Variants in PTPRT observed in about 807,000 individuals in gnomAD.
PTPRT encodes protein tyrosine phosphatase receptor type T, also known as receptor-type tyrosine-protein phosphatase T.
A neutral mutation model predicts 176.8 loss-of-function variants in PTPRT; 56 were observed. That is an observed-to-expected ratio of 0.32 (90% CI 0.26 to 0.40). The LOEUF (loss-of-function observed/expected upper bound fraction) is 0.40. Ranked by LOEUF, PTPRT falls within the 10% of genes least tolerant of loss-of-function variation. The pLI is 1.00. For synonymous variants in PTPRT, 783 were observed against 739.0 expected (o/e 1.06, Z -0.96); for missense variants, 1,540 against 1,908.2 (o/e 0.81, Z 3.60).
chr20:42,342,609 CCT>C (rs1159172328), intron 11 of PTPRT, among the ~76,000 whole-genome samples: 1 of 152,198 alleles, frequency 6.6e-6, no homozygotes, highest in Admixed American at 6.5e-5. Flanking sequence ...CTCAGGCTGC[CCT>C]GTGTCAATAA....
At chr20:42,974,622 T>C (rs1982838009) in intron 1 of PTPRT, among the ~76,000 whole-genome samples, 1 of 152,186 alleles carries the variant, frequency 6.6e-6, no homozygotes, top group Non-Finnish European at 1.5e-5. Context: ...AGATCATATC[T>C]GCTAAAAGCA....
At chr20:42,286,041 G>A (rs2057225520) in intron 12 of PTPRT, among the ~76,000 whole-genome samples, 6 of 151,990 alleles carry the variant, frequency 3.9e-5, no homozygotes, top group African/African-American at 1.2e-4. Context: ...GGAGGTAAAA[G>A]ACCTCTACAA....
chr20:42,902,147 C>A (rs1330218042), intron 1 of PTPRT, among the ~76,000 whole-genome samples: 1 of 152,186 alleles, frequency 6.6e-6, no homozygotes, highest in Non-Finnish European at 1.5e-5. Context: ...GCTACCACTA[C>A]AGGAACATCT....
chr20:42,739,039 G>A (rs1016989775), intron 6 of PTPRT, among the ~76,000 whole-genome samples: 7 of 152,140 alleles, frequency 4.6e-5, no homozygotes, highest in Non-Finnish European at 8.8e-5. Flanking sequence ...CAGCCTAGGC[G>A]ACAGAGTGAG....
At position 42,494,313 on chromosome 20, in the gene PTPRT, C is replaced by T. The variant is rs527878387; in HGVS notation, c.1154-21751G>A. On this transcript the variant is annotated intron_variant, in intron 7 of 30. Coordinates refer to ENST00000373187, the MANE Select transcript of PTPRT (RefSeq NM_007050.6). ...GAAAATTAGGGAAACAACGTTTTCT[C>T]ATTGCAAATGTTATAAGAATGCATG... Among the ~76,000 whole-genome samples, 37 of 152,160 alleles carry T rather than the reference C, an allele frequency of 2.4e-4. 1 individual carries two copies. The highest frequency in any genetic ancestry group is 3.4e-3 in the Middle Eastern group (1 of 294).
At chr20:43,145,548 A>G (rs2014144826) in intron 1 of PTPRT, among the ~76,000 whole-genome samples, 3 of 152,350 alleles carry the variant, frequency 2.0e-5, no homozygotes, top group African/African-American at 7.2e-5. Context: ...TCTCCAATTT[A>G]AATACTTGCT....
chr20:42,702,614 G>A (rs765036165), intron 6 of PTPRT, among the ~76,000 whole-genome samples: 30 of 152,148 alleles, frequency 2.0e-4, no homozygotes, highest in Middle Eastern at 3.2e-3. Context: ...AGCACCCCTG[G>A]GAGGGCTGCC....
chr20:42,434,806 T>TAAA (rs11397166), intron 9 of PTPRT, among the ~76,000 whole-genome samples: 6 of 149,074 alleles, frequency 4.0e-5, no homozygotes, highest in Non-Finnish European at 7.4e-5. Context: ...TATTAAAAAT[T>TAAA]AAAAAAAAAA....
At chr20:42,458,220 T>C (rs1319137472) in intron 8 of PTPRT, among the ~76,000 whole-genome samples, 1 of 152,202 alleles carries the variant, frequency 6.6e-6, no homozygotes, top group East Asian at 1.9e-4. Flanking sequence ...TGTTTTTCTC[T>C]ATATTTCTTT....
chr20:42,756,588 G>C lies in PTPRT; in HGVS notation c.733C>G (p.His245Asp). 6.2e-7 allele frequency: 1 copy of C among 1,611,516 alleles called. No individual in the cohort carries two copies. The highest frequency in any genetic ancestry group is 8.5e-7 in the Non-Finnish European group (1 of 1,178,310). Residue 245 changes from histidine to aspartate, a missense_variant, in exon 6 of 31, where the codon CAC becomes GAC. Around this residue, in one of 11 missense-constraint regions of PTPRT, gnomAD observed 273 missense variants for 432.1 expected, o/e 0.63. Transcript: ENST00000373187. ...CTGACTGTGGCTGAGAAGCGCCTGTGGTTGACCACACGGGTGACCATCAGG... is the reference window on the plus strand; with the variant it reads ...CTGACTGTGGCTGAGAAGCGCCTGTCGTTGACCACACGGGTGACCATCAGG... ...TALMVTRVVN[H>D]RRFSATVSVA...
intron 2 of PTPRT, among the ~76,000 whole-genome samples, chr20:42,857,263 CTTT>C (rs2078580570): frequency 6.6e-6 from 1 of 152,170 alleles, no homozygotes; most frequent in South Asian, 2.1e-4. Context: ...TTCACACATT[CTTT>C]CTTTCCATCC....
At chr20:42,156,033 G>T (rs112695418) in intron 17 of PTPRT, among the ~76,000 whole-genome samples, 2 of 152,078 alleles carry the variant, frequency 1.3e-5, no homozygotes, top group Admixed American at 6.6e-5. Context: ...CTCCCAAACC[G>T]TTTCTGGTTC....
chr20:43,062,407 A>G (rs1987504980), intron 1 of PTPRT, among the ~76,000 whole-genome samples: 2 of 152,210 alleles, frequency 1.3e-5, no homozygotes, highest in South Asian at 4.1e-4. Flanking sequence ...TACATGCCAA[A>G]CACCTGGGGG....
Position 42,072,951 on chromosome 20 carries a change from C to T in PTPRT, c.*7928G>A, listed in dbSNP as rs1982433761. The T allele has an allele frequency of 4.5e-6, 1 of 220,762 alleles. No individual in the cohort carries two copies. 13.7% of individuals were successfully genotyped at this position (220,762 alleles called of 1,614,324 possible). A position where few individuals can be genotyped will look rare whatever the true frequency, so the allele number is the denominator to read the frequency against. On this transcript the variant is annotated 3_prime_UTR_variant, in exon 31 of 31. Coordinates refer to ENST00000373187, the MANE Select transcript of PTPRT (RefSeq NM_007050.6). ...TTGACCTGACATTATTTACCTTCTG[C>T]TTTTCTGAGCTAGAATTGAAAAGAA...
At chr20:42,559,092 G>C (rs992441908) in intron 7 of PTPRT, among the ~76,000 whole-genome samples, 1 of 152,224 alleles carries the variant, frequency 6.6e-6, no homozygotes, top group African/African-American at 2.4e-5. Context: ...TATCCTTAGT[G>C]CTTATTATGA....
rs2015221122 is a variant in PTPRT at position 43,180,341 on chromosome 20, A to ATCTCTCTCTCTCTCACTC, written c.88+9304_88+9305insGAGTGAGAGAGAGAGAGA. Among the ~76,000 whole-genome samples the ATCTCTCTCTCTCTCACTC allele has an allele frequency of 2.6e-5, 3 of 115,018 alleles. 1 individual carries two copies. The highest frequency in any genetic ancestry group is 1.0e-4 in the African/African-American group (3 of 29,062). The allele number at this position is 115,018 out of a possible 152,430, so 75.5% of individuals were successfully genotyped here. A position where few individuals can be genotyped will look rare whatever the true frequency, so the allele number is the denominator to read the frequency against. On this transcript the variant is annotated intron_variant, in intron 1 of 30. Transcript: ENST00000373187. ...GCCAATTCCTATAAGAAATGAATCA[A>ATCTCTCTCTCTCTCACTC]TCTCTCTCTCTCTCTCTCTCTCTCT...
chr20:42,423,874 T>C (rs541370831), intron 9 of PTPRT, among the ~76,000 whole-genome samples: 2 of 152,202 alleles, frequency 1.3e-5, no homozygotes, highest in South Asian at 4.2e-4. Flanking sequence ...TTTAAAATAA[T>C]AAAGATGCAA....
chr20:43,076,875 T>G (rs555905708), intron 1 of PTPRT, among the ~76,000 whole-genome samples: 1 of 152,304 alleles, frequency 6.6e-6, no homozygotes, highest in South Asian at 2.1e-4. Context: ...AGTCATACCC[T>G]TCTCTCAGGT....
intron 12 of PTPRT, among the ~76,000 whole-genome samples, chr20:42,315,471 T>G (rs2057706638): frequency 6.6e-6 from 1 of 152,318 alleles, no homozygotes; most frequent in Non-Finnish European, 1.5e-5. Context: ...AATAAATATC[T>G]TAGGCTTTGT....
Sources: gnomAD v4.1 joint callset for allele counts (sites outside exome capture counted in the v4.1 genomes callset) on GRCh38, gnomAD v4.1.1 for gene constraint, gnomAD v4.1.1 regional missense constraint, MANE v1.5 for transcripts, NCBI Gene and HGNC (gene_info 2026-07-23, HGNC 2026-07-21) for gene names.